The following KCNK2 variants were observed in gnomAD, a reference collection of about 807,000 sequenced individuals.
KCNK2 encodes potassium channel subfamily K member 2.
KCNK2 carries 21 observed loss-of-function variants against 40.5 expected under a neutral mutation model. That is an observed-to-expected ratio of 0.52 (90% confidence interval 0.37 to 0.75). The LOEUF (loss-of-function observed/expected upper bound fraction) is 0.75, where lower values mean the gene tolerates loss of function less well. KCNK2 is among the 30% of genes least tolerant of loss of function. The pLI, the probability that KCNK2 is intolerant of heterozygous loss-of-function variation, is 0.00. For synonymous variants in KCNK2, 191 were observed against 202.2 expected, an observed-to-expected ratio of 0.94 and a Z score of 0.47; for missense variants, 399 against 531.6, an observed-to-expected ratio of 0.75 and a Z score of 2.45.
At chr1:215,042,058 A>G (rs1213779362) in intron 1 of KCNK2, among the ~76,000 whole-genome samples, 1 of 152,112 alleles carries the variant, frequency 6.6e-6, no homozygotes, top group African/African-American at 2.4e-5. Flanking sequence ...TAACTGTCAC[A>G]AAAATAACAC....
chr1:215,116,611 T>C (rs1395522083), intron 2 of KCNK2, among the ~76,000 whole-genome samples: 2 of 152,100 alleles, frequency 1.3e-5, no homozygotes, highest in East Asian at 3.8e-4. Flanking sequence ...GCTTTGACAC[T>C]CGATTGCATA....
chr1:215,043,965 T>C (rs1016215893), intron 1 of KCNK2, among the ~76,000 whole-genome samples: 4 of 151,990 alleles, frequency 2.6e-5, no homozygotes, highest in Non-Finnish European at 4.4e-5. Flanking sequence ...AGAGAAAAGA[T>C]AGATGTATAA....
intron 2 of KCNK2, among the ~76,000 whole-genome samples, chr1:215,097,956 G>T (rs113758743): frequency 2.0e-4 from 30 of 151,894 alleles, no homozygotes; most frequent in Non-Finnish European, 3.8e-4. Flanking sequence ...TTAAATATCC[G>T]CATAGGTTAG....
At chr1:215,009,982 G>C (rs1048649060) in intron 1 of KCNK2, among the ~76,000 whole-genome samples, 4 of 152,112 alleles carry the variant, frequency 2.6e-5, no homozygotes, top group Non-Finnish European at 5.9e-5. Flanking sequence ...TTGGACAACT[G>C]TATTTTATGT....
At chr1:215,223,276 C>T in intron 6 of KCNK2, among the ~76,000 whole-genome samples, 1 of 124,456 alleles carries the variant, frequency 8.0e-6, no homozygotes, top group Non-Finnish European at 1.7e-5. Flanking sequence ...AAAACTCTTA[C>T]AAGTATTATC....
intron 1 of KCNK2, among the ~76,000 whole-genome samples, chr1:215,062,737 A>G (rs560122909): frequency 6.6e-6 from 1 of 151,972 alleles, no homozygotes; most frequent in African/African-American, 2.4e-5. Context: ...AGTTTTGTTT[A>G]AATTAAAGGC....
intron 6 of KCNK2, among the ~76,000 whole-genome samples, chr1:215,212,454 T>C (rs970556018): frequency 6.6e-6 from 1 of 152,100 alleles, no homozygotes; most frequent in Non-Finnish European, 1.5e-5. Flanking sequence ...TATGGCTGAG[T>C]GAAGAAAAAT....
rs61818301 is a variant in KCNK2 at position 215,088,350 on chromosome 1, T to C, written c.357+1672T>C. ...ATCTTAAACAAGTAGTTTTCCTCTT[T>C]AAGCCTTAAATGATCTATCTGGAAT... is the stretch of plus-strand genomic sequence containing the variant. On this transcript the variant is annotated intron_variant, in intron 2 of 6. Coordinates refer to ENST00000444842, the MANE Select transcript of KCNK2 (RefSeq NM_001017425.3). Among the ~76,000 whole-genome samples the C allele has an allele frequency of 9.9e-3, 1,509 of 152,292 alleles. 28 individuals carry two copies. The highest frequency in any genetic ancestry group is 0.066 in the South Asian group (318 of 4,816).
At chr1:215,119,958 T>C (rs1262045569) in intron 2 of KCNK2, among the ~76,000 whole-genome samples, 2 of 152,180 alleles carry the variant, frequency 1.3e-5, no homozygotes, top group Non-Finnish European at 2.9e-5. Context: ...TCCAGTTTCC[T>C]GTGGATGTTG....
At chr1:215,100,027 C>T (rs975361402) in intron 2 of KCNK2, among the ~76,000 whole-genome samples, 1 of 151,902 alleles carries the variant, frequency 6.6e-6, no homozygotes, top group Non-Finnish European at 1.5e-5. Context: ...GTTTCTGCAC[C>T]AGTGTGCTAT....
In KCNK2 at chr1:215,168,504, C is replaced by T. The variant is rs576956329; in HGVS notation, c.476-695C>T. 3.2e-4 allele frequency among the ~76,000 whole-genome samples: 49 copies of T among 152,232 alleles called. 1 individual carries two copies. The highest frequency in any genetic ancestry group is 6.8e-3 in the Middle Eastern group (2 of 292). On this transcript the variant is annotated intron_variant, in intron 3 of 6. Coordinates refer to ENST00000444842, the MANE Select transcript of KCNK2 (RefSeq NM_001017425.3). ...TAAGGAAAATGTGGTACATATACACCATGGAATACTATGCAGCCATAAAAA... is the reference window on the plus strand; with the variant it reads ...TAAGGAAAATGTGGTACATATACACTATGGAATACTATGCAGCCATAAAAA...
rs144294026 is a variant in KCNK2 at position 215,127,279 on chromosome 1, G to T, written c.475+2529G>T. On this transcript the variant is annotated intron_variant, in intron 3 of 6. Transcript: ENST00000444842. ...ATTTCATCAATTTTTCTAAGAAACAGACATGATCCTTACTATTCCTTGGAA... is the reference window on the plus strand; with the variant it reads ...ATTTCATCAATTTTTCTAAGAAACATACATGATCCTTACTATTCCTTGGAA... Among the ~76,000 whole-genome samples the T allele has an allele frequency of 2.6e-5, 4 of 152,208 alleles. No homozygotes were observed. In the East Asian group the frequency reaches 7.7e-4, roughly 29 times the overall value.
intron 3 of KCNK2, among the ~76,000 whole-genome samples, chr1:215,131,156 A>G: frequency 6.6e-6 from 1 of 151,466 alleles, no homozygotes; most frequent in East Asian, 1.9e-4. Flanking sequence ...CACCGCGCCC[A>G]GCAAGTTTTT....
intron 1 of KCNK2, among the ~76,000 whole-genome samples, chr1:215,058,106 T>G (rs1658232485): frequency 6.6e-6 from 1 of 152,072 alleles, no homozygotes; most frequent in Non-Finnish European, 1.5e-5. Context: ...GAAATTTGTT[T>G]TTGAATGCTA....
In KCNK2 at chr1:215,083,270, G is replaced by A. The variant is rs750813191; in HGVS notation, c.-116G>A. The A allele has an allele frequency of 7.3e-7, 1 of 1,370,560 alleles. No individual in the cohort carries two copies. Among genetic ancestry groups the A allele is most frequent in the Non-Finnish European group, 9.7e-7 (1 of 1,031,638 alleles). 84.9% of individuals were successfully genotyped at this position (1,370,560 alleles called of 1,614,324 possible). A position where few individuals can be genotyped will look rare whatever the true frequency, so the allele number is the denominator to read the frequency against. On this transcript the variant is annotated 5_prime_UTR_variant, in exon 1 of 7. In the 5' UTR this introduces an upstream ATG that the reference lacks. Coordinates refer to ENST00000444842, the MANE Select transcript of KCNK2 (RefSeq NM_001017425.3). ...ACAAAGCCGGGGAAAATGCCTGCCC[G>A]TGCAGCTCGGAGCGCGCAGCCCGTC...
Position 215,124,728 on chromosome 1 carries a change from T to C in KCNK2, c.453T>C (p.Ala151=). The part of the protein sequence containing the change: ...HWDLGSSFFF[A]GTVITTIGFG... ...ATTTGGGAAGTTCCTTCTTCTTTGC[T>C]GGCACTGTTATTACAACCATAGGTA... The change falls in exon 3 of 7, where the codon GCT becomes GCC. Residue 151 remains alanine, a synonymous_variant. Coordinates refer to ENST00000444842, the MANE Select transcript of KCNK2 (RefSeq NM_001017425.3). 1 of 1,606,130 alleles carries C rather than the reference T, an allele frequency of 6.2e-7. No homozygotes were observed. The highest frequency in any genetic ancestry group is 8.5e-7 in the Non-Finnish European group (1 of 1,172,818).
At chr1:215,190,709 G>T (rs959791735) in intron 5 of KCNK2, among the ~76,000 whole-genome samples, 3 of 152,138 alleles carry the variant, frequency 2.0e-5, no homozygotes, top group African/African-American at 7.2e-5. Flanking sequence ...GCAAAAGGAA[G>T]CTGGCAATGT....
At chr1:215,035,942 T>A (rs552107056) in intron 1 of KCNK2, among the ~76,000 whole-genome samples, 44 of 151,656 alleles carry the variant, frequency 2.9e-4, no homozygotes, top group Non-Finnish European at 5.9e-4. Context: ...TTTTTTTAAA[T>A]ATATTCTGAG....
chr1:215,213,138 A>G (rs1665811575), intron 6 of KCNK2, among the ~76,000 whole-genome samples: 1 of 152,178 alleles, frequency 6.6e-6, no homozygotes, highest in African/African-American at 2.4e-5. Flanking sequence ...ATAGTTTTAC[A>G]TCAAAGATAG....
Sources: allele counts gnomAD v4.1 joint callset (sites outside exome capture counted in the v4.1 genomes callset), GRCh38; gene constraint gnomAD v4.1.1; transcripts MANE v1.5; gene names NCBI Gene and HGNC (gene_info 2026-07-23, HGNC 2026-07-21).